The following PPP6R3 variants were observed in gnomAD, a reference collection of about 807,000 sequenced individuals.
PPP6R3 encodes the protein protein phosphatase 6 regulatory subunit 3.
A neutral mutation model predicts 110.7 loss-of-function variants in PPP6R3; 38 were observed. That is an observed-to-expected ratio of 0.34 (90% CI 0.26 to 0.45). The LOEUF is 0.45. Among genes scored for constraint, PPP6R3 ranks in the 20% least tolerant of loss-of-function variants. The probability of loss-of-function intolerance (pLI) is 1.00; values close to 1 mark genes in which losing one functional copy is unlikely to be tolerated. For missense variants in PPP6R3, 870 were observed against 1,062.4 expected (o/e 0.82, Z 2.52); for synonymous variants, 369 against 373.5 (o/e 0.99, Z 0.14).
At chr11:68,476,228 A>C (rs1565269861) in intron 1 of PPP6R3, among the ~76,000 whole-genome samples, 2 of 152,220 alleles carry the variant, frequency 1.3e-5, no homozygotes, top group African/African-American at 2.4e-5. Context: ...CGGGAGGCCG[A>C]GGCTGGCGGA....
chr11:68,572,701 ATGTGGTGG>A (rs1289136764), intron 12 of PPP6R3, among the ~76,000 whole-genome samples: 3 of 151,964 alleles, frequency 2.0e-5, no homozygotes, highest in East Asian at 1.9e-4. Flanking sequence ...AATTAGCCGG[ATGTGGTGG>A]TACTTGCCTA....
rs60972668 is a variant in PPP6R3, at chr11:68,491,328, CTGTGTGTGTGTGTGTGTGTG to C, written c.-157-28141_-157-28122del. Among the ~76,000 whole-genome samples the C allele has an allele frequency of 2.7e-3, 331 of 123,572 alleles. 1 individual carries two copies. The highest frequency in any genetic ancestry group is 9.2e-3 in the African/African-American group (309 of 33,594). The allele number at this position is 123,572 out of a possible 152,430, so 81.1% of individuals were successfully genotyped here. ...CCAGAAGGTTGTTAAGTGTCTTCAG[CTGTGTGTGTGTGTGTGTGTG>C]TGTGTGTGTGTGTGTGTGTGTGTGT... is the stretch of plus-strand genomic sequence containing the variant. On this transcript the variant is annotated intron_variant, in intron 1 of 23. Transcript: ENST00000393800.
chr11:68,484,515 T>C (rs1032391049), intron 1 of PPP6R3, among the ~76,000 whole-genome samples: 36 of 151,896 alleles, frequency 2.4e-4, no homozygotes, highest in African/African-American at 8.0e-4. Context: ...CTCAGGTCTT[T>C]TGTCCATTTT....
intron 12 of PPP6R3, among the ~76,000 whole-genome samples, chr11:68,572,030 C>A (rs1051357424): frequency 2.0e-5 from 3 of 151,206 alleles, no homozygotes; most frequent in African/African-American, 4.9e-5. Context: ...TTTTTTAAAT[C>A]GTTTAATAAG....
In PPP6R3 at chr11:68,486,534, G is replaced by A. The variant is rs193124631; in HGVS notation, c.-158+25707G>A. On this transcript the variant is annotated intron_variant, in intron 1 of 23. Transcript: ENST00000393800. Reference sequence around the variant, plus strand: ...GCAGGAGAATGGCGTGAACCCGGGAGGCGGAGCTTGCAGTGAGCTGAGATC... The same window carrying A: ...GCAGGAGAATGGCGTGAACCCGGGAAGCGGAGCTTGCAGTGAGCTGAGATC... Among the ~76,000 whole-genome samples the A allele has an allele frequency of 1.4e-4, 21 of 151,342 alleles. No homozygotes were observed. The East Asian group carries it at 4.1e-3, about 29-fold the overall frequency.
chr11:68,522,077 A>G (rs898611325), intron 2 of PPP6R3, among the ~76,000 whole-genome samples: 1 of 152,246 alleles, frequency 6.6e-6, no homozygotes, highest in African/African-American at 2.4e-5. Context: ...TTTGGAAGGC[A>G]TATGTAGAAT....
intron 2 of PPP6R3, among the ~76,000 whole-genome samples, chr11:68,525,819 G>C (rs2099194218): frequency 2.0e-5 from 3 of 152,256 alleles, no homozygotes; most frequent in Admixed American, 6.5e-5. Context: ...TGGGTACCTT[G>C]TCTGTAAGAT....
chr11:68,465,468 T>C (rs1401153020), intron 1 of PPP6R3, among the ~76,000 whole-genome samples: 1 of 152,172 alleles, frequency 6.6e-6, no homozygotes, highest in Non-Finnish European at 1.5e-5. Flanking sequence ...TGGAAGAATA[T>C]TAGGAAAACT....
intron 1 of PPP6R3, among the ~76,000 whole-genome samples, chr11:68,485,330 A>G (rs1260905435): frequency 2.7e-5 from 4 of 150,534 alleles, no homozygotes; most frequent in Admixed American, 2.6e-4. Flanking sequence ...TTGTCTGTCA[A>G]CAAAGACAGT....
intron 22 of PPP6R3, among the ~76,000 whole-genome samples, chr11:68,605,375 A>G (rs1187573194): frequency 6.6e-6 from 1 of 152,206 alleles, no homozygotes; most frequent in African/African-American, 2.4e-5. Flanking sequence ...GCAAAGAATT[A>G]TACAAAGAGA....
At chr11:68,584,917 A>C (rs1331378997) in intron 15 of PPP6R3, among the ~76,000 whole-genome samples, 3 of 152,258 alleles carry the variant, frequency 2.0e-5, no homozygotes, top group African/African-American at 7.2e-5. Context: ...AGCACTTCTT[A>C]AAATTTTGAG....
At chr11:68,565,807 G>A (rs1033283186) in intron 9 of PPP6R3, among the ~76,000 whole-genome samples, 5 of 150,168 alleles carry the variant, frequency 3.3e-5, no homozygotes, top group Non-Finnish European at 7.4e-5. Context: ...TTTGCACCTG[G>A]TTTTACTGTA....
At position 68,494,223 on chromosome 11, in the gene PPP6R3, A is replaced by G. The variant is rs183281134; in HGVS notation, c.-157-25278A>G. Among the ~76,000 whole-genome samples the G allele has an allele frequency of 4.3e-3, 653 of 150,964 alleles. 2 individuals are homozygous for G. The highest frequency in any genetic ancestry group is 0.015 in the African/African-American group (601 of 41,140). ...CCCTGATGTGATTATTATACATTACATGCCTGTATCAAAACATCATGGCCG... is the reference window on the plus strand; with the variant it reads ...CCCTGATGTGATTATTATACATTACGTGCCTGTATCAAAACATCATGGCCG... On this transcript the variant is annotated intron_variant, in intron 1 of 23. Coordinates refer to ENST00000393800, the MANE Select transcript of PPP6R3 (RefSeq NM_001164161.2).
At chr11:68,540,614 C>T (rs1285549228) in intron 3 of PPP6R3, among the ~76,000 whole-genome samples, 1 of 152,124 alleles carries the variant, frequency 6.6e-6, no homozygotes, top group Admixed American at 6.5e-5. Flanking sequence ...GTTCCTCTTC[C>T]TAATAAGCCT....
chr11:68,502,179 A>G (rs2099052183), intron 1 of PPP6R3, among the ~76,000 whole-genome samples: 1 of 152,264 alleles, frequency 6.6e-6, no homozygotes, highest in African/African-American at 2.4e-5. Flanking sequence ...TAATAGCCAC[A>G]TGAAGAAAGT....
chr11:68,611,702 CAG>C (rs1201125592), intron 23 of PPP6R3, among the ~76,000 whole-genome samples: 4 of 152,250 alleles, frequency 2.6e-5, no homozygotes, highest in East Asian at 1.9e-4. Flanking sequence ...GAAGAAGGGA[CAG>C]GGGTCCATGT....
chr11:68,527,951 C>T (rs1035747174), intron 2 of PPP6R3, among the ~76,000 whole-genome samples: 1 of 152,272 alleles, frequency 6.6e-6, no homozygotes, highest in Admixed American at 6.5e-5. Context: ...CTAAATGCTC[C>T]CTGTATTTTG....
intron 2 of PPP6R3, among the ~76,000 whole-genome samples, chr11:68,520,636 C>G (rs533490270): frequency 6.6e-6 from 1 of 152,290 alleles, no homozygotes; most frequent in Admixed American, 6.5e-5. Flanking sequence ...ATTCTTGCCC[C>G]CGATATTCAG....
At position 68,469,850 on chromosome 11, in the gene PPP6R3, C is replaced by T. The variant is rs146853047; in HGVS notation, c.-158+9023C>T. 5.9e-5 allele frequency among the ~76,000 whole-genome samples: 9 copies of T among 152,308 alleles called. No homozygotes were observed. The East Asian group carries it at 1.7e-3, about 29-fold the overall frequency. On this transcript the variant is annotated intron_variant, in intron 1 of 23. Transcript: ENST00000393800. ...TCCCTGTGTCCTCGTCTCACCACTT[C>T]CCTCTTTCTGACCTCCCCAAGGCAA...
Sources: gnomAD v4.1 joint callset for allele counts (sites outside exome capture counted in the v4.1 genomes callset) on GRCh38, gnomAD v4.1.1 for gene constraint, MANE v1.5 for transcripts, NCBI Gene and HGNC (gene_info 2026-07-23, HGNC 2026-07-21) for gene names.